Variants in PHF21A observed in about 807,000 individuals in gnomAD.
PHF21A encodes PHD finger protein 21A, also known as BHC80a.
Under a neutral mutation model 82.5 loss-of-function variants are expected in PHF21A, and 11 were observed. The ratio of observed to expected loss-of-function variants is 0.13; its 90% confidence interval spans 0.08 to 0.22. The LOEUF (loss-of-function observed/expected upper bound fraction) is 0.22. Among genes scored for constraint, PHF21A ranks in the 10% least tolerant of loss-of-function variants. The pLI is 1.00. For missense variants in PHF21A, 579 were observed against 837.8 expected, an observed-to-expected ratio of 0.69 and a Z score of 3.81; for synonymous variants, 297 against 302.8, an observed-to-expected ratio of 0.98 and a Z score of 0.20.
intron 9 of PHF21A, among the ~76,000 whole-genome samples, chr11:45,969,203 G>A (rs1257910208): frequency 6.6e-6 from 1 of 152,102 alleles, no homozygotes; most frequent in Non-Finnish European, 1.5e-5. Flanking sequence ...ACTCCTCAAG[G>A]TCCAGAATGG....
At chr11:45,991,367 T>C (rs1317874457) in intron 6 of PHF21A, among the ~76,000 whole-genome samples, 2 of 152,096 alleles carry the variant, frequency 1.3e-5, no homozygotes, top group East Asian at 3.9e-4. Flanking sequence ...ACTTGCCAGG[T>C]AGAACAATGA....
At chr11:45,940,486 G>A (rs911651076) in intron 15 of PHF21A, among the ~76,000 whole-genome samples, 4 of 152,142 alleles carry the variant, frequency 2.6e-5, no homozygotes, top group East Asian at 3.9e-4. Flanking sequence ...GAGCCACTGC[G>A]CCTGGCAGAT....
intron 7 of PHF21A, among the ~76,000 whole-genome samples, chr11:45,971,905 T>TTTTTTTTA (rs1452859819): frequency 0.036 from 3,266 of 89,924 alleles, 621 homozygotes; most frequent in East Asian, 0.14. Flanking sequence ...TTTTTTTTTT[T>TTTTTTTTA]ATGGTGTCAC....
chr11:46,074,054 C>T (rs1378320787), intron 6 of PHF21A, among the ~76,000 whole-genome samples: 1 of 150,304 alleles, frequency 6.7e-6, no homozygotes, highest in Non-Finnish European at 1.5e-5. Context: ...ATTGAAGTGG[C>T]AACAGTGAAT....
intron 11 of PHF21A, among the ~76,000 whole-genome samples, chr11:45,952,069 T>C (rs1215365339): frequency 2.0e-5 from 3 of 152,184 alleles, no homozygotes; most frequent in Non-Finnish European, 4.4e-5. Flanking sequence ...CCTCCCAAAG[T>C]GGTGGGATTA....
chr11:46,097,174 C>T (rs1351102064), intron 1 of PHF21A, among the ~76,000 whole-genome samples: 2 of 152,160 alleles, frequency 1.3e-5, no homozygotes, highest in Non-Finnish European at 2.9e-5. Context: ...ACCCTAGCCC[C>T]GCTAAGGTAT....
In PHF21A at chr11:46,050,827, T is replaced by C. The variant is rs564376961; in HGVS notation, c.153+25927A>G. Among the ~76,000 whole-genome samples the C allele has an allele frequency of 2.6e-5, 4 of 152,310 alleles. No homozygotes were observed. In the South Asian group the frequency reaches 8.3e-4, roughly 32 times the overall value. On this transcript the variant is annotated intron_variant, in intron 6 of 18. Transcript: ENST00000676320. ...AGACAAAGGAAGTATGTCCAGCAAC[T>C]GAGTATGTGTGCAGGACTACAGCTA...
In PHF21A at chr11:46,121,151, T is replaced by C. The variant is rs1853165890; in HGVS notation, c.-453A>G. 6.9e-6 allele frequency: 1 copy of C among 143,890 alleles called. No individual in the cohort carries two copies. Among genetic ancestry groups the C allele is most frequent in the African/African-American group, 2.7e-5 (1 of 37,656 alleles). The allele number at this position is 143,890 out of a possible 1,614,324, so 8.9% of individuals were successfully genotyped here. A position where few individuals can be genotyped will look rare whatever the true frequency, so the allele number is the denominator to read the frequency against. ...GTTGTTCCCTTCTCCCTCCTCCTCC[T>C]CCTCCTCTCCTCTCCTCTCTCTCTC... On this transcript the variant is annotated 5_prime_UTR_variant, in exon 1 of 19. Coordinates refer to ENST00000676320, the MANE Select transcript of PHF21A (RefSeq NM_001352027.3).
chr11:46,011,767 G>A (rs2095418299), intron 6 of PHF21A, among the ~76,000 whole-genome samples: 1 of 152,120 alleles, frequency 6.6e-6, no homozygotes, highest in Non-Finnish European at 1.5e-5. Flanking sequence ...TGGCAGAGGG[G>A]AATTTTACGA....
intron 6 of PHF21A, among the ~76,000 whole-genome samples, chr11:46,037,173 C>T (rs144322699): frequency 5.9e-4 from 90 of 152,232 alleles, no homozygotes; most frequent in Non-Finnish European, 1.9e-4. Context: ...CTGACTAATT[C>T]GGTGCACATC....
At chr11:46,092,139 C>T (rs757690659) in intron 2 of PHF21A, 44 bp downstream of exon 2, 3 of 151,594 alleles carry the variant, frequency 2.0e-5, no homozygotes, top group Non-Finnish European at 4.4e-5. Flanking sequence ...ATCCAGCTAG[C>T]ATCAGGATCA....
intron 1 of PHF21A, among the ~76,000 whole-genome samples, chr11:46,114,225 A>G (rs1465283596): frequency 6.6e-6 from 1 of 152,214 alleles, no homozygotes; most frequent in Non-Finnish European, 1.5e-5. Context: ...TTTTTAAGCT[A>G]TCAGTAACAC....
chr11:46,009,115 C>T (rs756509314), intron 6 of PHF21A, among the ~76,000 whole-genome samples: 1 of 151,706 alleles, frequency 6.6e-6, no homozygotes, highest in Non-Finnish European at 1.5e-5. Context: ...GCTGGGATTA[C>T]AGGCGTGCAT....
intron 6 of PHF21A, among the ~76,000 whole-genome samples, chr11:45,999,278 G>A (rs2095032503): frequency 6.6e-6 from 1 of 152,200 alleles, no homozygotes; most frequent in African/African-American, 2.4e-5. Context: ...TTTGTGCAAT[G>A]CTAACTCAAG....
At position 45,979,913 on chromosome 11, in the gene PHF21A, C is replaced by A. The variant is rs781277394; in HGVS notation, c.207G>T (p.Pro69=). The change falls in exon 7 of 19, where the codon CCG becomes CCT. Residue 69 remains proline, a synonymous_variant. Coordinates refer to ENST00000676320, the MANE Select transcript of PHF21A (RefSeq NM_001352027.3). ...RKNLIVKQEQ[P]DKFQIQPLPQ... ...GCAATGGCTGTATTTGGAACTTGTCCGGTTGTTCTTGCTTTACTATCAGGT... is the reference window on the plus strand; with the variant it reads ...GCAATGGCTGTATTTGGAACTTGTCAGGTTGTTCTTGCTTTACTATCAGGT... 2 of 1,614,118 alleles carry A rather than the reference C, an allele frequency of 1.2e-6. No homozygotes were observed. The highest frequency in any genetic ancestry group is 1.7e-6 in the Non-Finnish European group (2 of 1,180,020).
chr11:45,979,678 G>C (rs2946005), intron 7 of PHF21A, 82 bp downstream of exon 7: 1,449,589 of 1,601,040 alleles, frequency 0.91, 657,449 homozygotes, highest in East Asian at 1. Flanking sequence ...TTAGTATAGT[G>C]TGAGACAGGA....
chr11:46,062,178 T>G (rs2096543424), intron 6 of PHF21A, among the ~76,000 whole-genome samples: 1 of 151,820 alleles, frequency 6.6e-6, no homozygotes, highest in Non-Finnish European at 1.5e-5. Context: ...GGTATGAGGG[T>G]GTGGGGTTTT....
intron 6 of PHF21A, among the ~76,000 whole-genome samples, chr11:46,069,069 A>G (rs2096627262): frequency 6.6e-6 from 1 of 152,238 alleles, no homozygotes; most frequent in African/African-American, 2.4e-5. Flanking sequence ...AGCAGATAAT[A>G]CAGCACTGGG....
At chr11:46,010,416 G>C (rs913170510) in intron 6 of PHF21A, among the ~76,000 whole-genome samples, 5 of 152,148 alleles carry the variant, frequency 3.3e-5, no homozygotes, top group Admixed American at 6.5e-5. Context: ...TGAAACTCAA[G>C]GAGATTTAGT....
Sources: allele counts gnomAD v4.1 joint callset (sites outside exome capture counted in the v4.1 genomes callset), GRCh38; gene constraint gnomAD v4.1.1; transcripts MANE v1.5; gene names NCBI Gene and HGNC (gene_info 2026-07-23, HGNC 2026-07-21).